The following TNIK variants were observed in gnomAD, a reference collection of about 807,000 sequenced individuals.
The protein encoded by TNIK is TRAF2 and NCK-interacting protein kinase.
A neutral mutation model predicts 191.3 loss-of-function variants in TNIK; 49 were observed. The ratio of observed to expected loss-of-function variants is 0.26; its 90% CI spans 0.20 to 0.32. The LOEUF (loss-of-function observed/expected upper bound fraction) is 0.32, where lower values mean the gene tolerates loss of function less well. TNIK is among the 10% of genes least tolerant of loss of function. TNIK has a pLI of 1.00. For missense variants in TNIK, 1,155 were observed against 1,702.3 expected (o/e 0.68, Z 5.66); for synonymous variants, 594 against 600.9 (o/e 0.99, Z 0.17).
At position 171,126,505 on chromosome 3, in the gene TNIK, C is replaced by T. The variant is rs529541859; in HGVS notation, c.1774-354G>A. ...TATTATGAAATTCCTCCTTTAAAAC[C>T]CCTAACTTTTACATTAGAGGGTGTT... On this transcript the variant is annotated intron_variant, in intron 16 of 32. Transcript: ENST00000436636. Among the ~76,000 whole-genome samples, 9 of 152,238 alleles carry T rather than the reference C, an allele frequency of 5.9e-5. No homozygotes were observed. In the South Asian group the frequency reaches 1.7e-3, roughly 28 times the overall value.
intron 32 of TNIK, 64 bp from the exon 33 acceptor site, chr3:171,064,028 T>TC: frequency 6.7e-7 from 1 of 1,502,942 alleles, no homozygotes; most frequent in Non-Finnish European, 9.2e-7. Context: ...TCTTCAACCG[T>TC]CCATCCATTT....
Position 171,137,968 on chromosome 3 carries a change from C to CA in TNIK, c.1608+222dup, listed in dbSNP as rs58897378. Among the ~76,000 whole-genome samples the CA allele has an allele frequency of 2.2e-3, 260 of 119,532 alleles. 1 individual carries two copies. The highest frequency in any genetic ancestry group is 0.014 in the East Asian group (54 of 3,806). 78.4% of individuals were successfully genotyped at this position (119,532 alleles called of 152,430 possible). On this transcript the variant is annotated intron_variant, in intron 15 of 32. Coordinates refer to ENST00000436636, the MANE Select transcript of TNIK (RefSeq NM_015028.4). ...AGTCCATTGCAACCACAAAGATATA[C>CA]AAAAAAAAAAAAAAAACAAAAACAA...
At chr3:171,142,698 A>G (rs889974231) in intron 12 of TNIK, among the ~76,000 whole-genome samples, 1 of 152,240 alleles carries the variant, frequency 6.6e-6, no homozygotes, top group Admixed American at 6.5e-5. Context: ...AAACATCAGC[A>G]TAGGCACTGA....
intron 2 of TNIK, among the ~76,000 whole-genome samples, chr3:171,313,931 C>T (rs1754323842): frequency 6.6e-6 from 1 of 152,096 alleles, no homozygotes; most frequent in East Asian, 1.9e-4. Flanking sequence ...GCTCTATAGT[C>T]GTTGCCGGAA....
At chr3:171,434,463 A>T (rs1292494240) in intron 1 of TNIK, among the ~76,000 whole-genome samples, 4 of 147,304 alleles carry the variant, frequency 2.7e-5, no homozygotes, top group East Asian at 2.0e-4. Flanking sequence ...TTATTTATTT[A>T]TTTATTTTTT....
At chr3:171,119,374 A>T (rs1245931913) in intron 18 of TNIK, among the ~76,000 whole-genome samples, 4 of 152,324 alleles carry the variant, frequency 2.6e-5, no homozygotes, top group Admixed American at 2.6e-4. Context: ...ATTGTGGAAG[A>T]CAGTGTGGCG....
intron 2 of TNIK, among the ~76,000 whole-genome samples, chr3:171,335,346 A>G (rs974472321): frequency 2.0e-5 from 3 of 152,332 alleles, no homozygotes; most frequent in African/African-American, 7.2e-5. Flanking sequence ...TTAAATGTAC[A>G]GTTTGATGAA....
At chr3:171,436,649 A>G (rs986733145) in intron 1 of TNIK, among the ~76,000 whole-genome samples, 1 of 152,242 alleles carries the variant, frequency 6.6e-6, no homozygotes, top group Non-Finnish European at 1.5e-5. Flanking sequence ...AGAAGCTCAC[A>G]AATGAGCCCA....
At chr3:171,275,758 G>A (rs530679761) in intron 2 of TNIK, among the ~76,000 whole-genome samples, 117 of 151,950 alleles carry the variant, frequency 7.7e-4, no homozygotes, top group East Asian at 4.1e-3. Context: ...TTAGCCGGGC[G>A]TGGTGGTGGG....
At chr3:171,157,394 G>A (rs1371150697) in intron 12 of TNIK, 66 bp downstream of exon 12, 4 of 1,523,370 alleles carry the variant, frequency 2.6e-6, no homozygotes, top group Non-Finnish European at 3.5e-6. Context: ...GGGCCCCCAG[G>A]GAATGCTTGG....
intron 2 of TNIK, among the ~76,000 whole-genome samples, chr3:171,284,460 T>G: frequency 6.6e-6 from 1 of 151,990 alleles, no homozygotes; most frequent in African/African-American, 2.4e-5. Context: ...TACTGATAAA[T>G]CAACATGGGG....
chr3:171,400,474 T>A (rs1219243852), intron 1 of TNIK, among the ~76,000 whole-genome samples: 1 of 151,830 alleles, frequency 6.6e-6, no homozygotes, highest in Non-Finnish European at 1.5e-5. Flanking sequence ...GAGGCTAAGA[T>A]TGAAGGATCA....
chr3:171,247,875 A>T (rs1745778720), intron 2 of TNIK, among the ~76,000 whole-genome samples: 1 of 149,324 alleles, frequency 6.7e-6, no homozygotes, highest in Non-Finnish European at 1.5e-5. Context: ...ATCAGTTTGT[A>T]TAGAGTGAAG....
chr3:171,416,021 A>G (rs1723035158), intron 1 of TNIK, among the ~76,000 whole-genome samples: 1 of 150,618 alleles, frequency 6.6e-6, no homozygotes, highest in Non-Finnish European at 1.5e-5. Flanking sequence ...AGAAAGGAAG[A>G]AAAAGAAAAA....
At chr3:171,184,875 T>C (rs1256840546) in intron 7 of TNIK, among the ~76,000 whole-genome samples, 1 of 152,174 alleles carries the variant, frequency 6.6e-6, no homozygotes, top group South Asian at 2.1e-4. Context: ...GAGACACCCA[T>C]GTCTGCAAAT....
chr3:171,065,033 T>TG (rs1718248671), intron 32 of TNIK, among the ~76,000 whole-genome samples: 1 of 152,204 alleles, frequency 6.6e-6, no homozygotes, highest in African/African-American at 2.4e-5. Flanking sequence ...CTCCAAGTTG[T>TG]GTGCCCCTGG....
chr3:171,174,554 T>A (rs1055353334), intron 9 of TNIK, among the ~76,000 whole-genome samples: 13 of 152,150 alleles, frequency 8.5e-5, no homozygotes, highest in Non-Finnish European at 1.5e-4. Flanking sequence ...AAGTCAAACA[T>A]CCAACATCTG....
At chr3:171,343,204 G>A (rs1271175188) in intron 2 of TNIK, among the ~76,000 whole-genome samples, 1 of 152,158 alleles carries the variant, frequency 6.6e-6, no homozygotes, top group Non-Finnish European at 1.5e-5. Context: ...GCATGGAGAG[G>A]GGTGAGCCGT....
intron 1 of TNIK, among the ~76,000 whole-genome samples, chr3:171,455,116 T>C (rs1190120111): frequency 6.6e-6 from 1 of 152,176 alleles, no homozygotes; most frequent in Admixed American, 6.5e-5. Context: ...CAAAGCTCAA[T>C]TCAGGCCATC....
Sources: allele counts gnomAD v4.1 joint callset (sites outside exome capture counted in the v4.1 genomes callset), GRCh38; gene constraint gnomAD v4.1.1; transcripts MANE v1.5; gene names NCBI Gene and HGNC (gene_info 2026-07-23, HGNC 2026-07-21).